The following ZNF423 variants were observed in gnomAD, a reference collection of about 807,000 sequenced individuals.
ZNF423 encodes the protein Ebf-associated zinc finger protein.
In ZNF423, 12 loss-of-function variants were observed where a neutral mutation model predicts 95.8. The ratio of observed to expected loss-of-function variants is 0.13; its 90% CI spans 0.08 to 0.20. The LOEUF (loss-of-function observed/expected upper bound fraction) is 0.20, where lower values mean the gene tolerates loss of function less well. Ranked by LOEUF, ZNF423 falls within the 10% of genes least tolerant of loss-of-function variation. ZNF423 has a pLI of 1.00. For synonymous variants in ZNF423, 749 were observed against 711.9 expected (o/e 1.05, Z -0.83); for missense variants, 1,316 against 1,737.1 (o/e 0.76, Z 4.31).
chr16:49,491,283 C>A lies in ZNF423; in HGVS notation c.3871G>T (p.Ala1291Ser), dbSNP rs1444409073. The change falls in exon 8 of 8, where the codon GCA becomes TCA. Residue 1291 changes from alanine to serine, a missense_variant. By Grantham distance (99) the Ala-to-Ser change is moderately conservative. Coordinates refer to ENST00000563137, the MANE Select transcript of ZNF423 (RefSeq NM_001379286.1). Reference protein sequence around the residue: ...ELQNHTMSQHAQ With the variant: ...ELQNHTMSQHSQ ...TCCTGTTGAGCGATCCCTCACTGTG[C>A]GTGCTGGCTCATCGTGTGGTTCTGC... is the stretch of plus-strand genomic sequence containing the variant. The A allele has an allele frequency of 1.7e-5, 27 of 1,613,942 alleles. No homozygotes were observed. In the East Asian group the frequency reaches 3.6e-4, roughly 21 times the overall value.
chr16:49,683,632 A>C (rs1038291721), intron 3 of ZNF423, among the ~76,000 whole-genome samples: 5 of 152,214 alleles, frequency 3.3e-5, no homozygotes, highest in African/African-American at 1.2e-4. Flanking sequence ...TCCAAAAAGA[A>C]ACCGGGAGGA....
intron 5 of ZNF423, among the ~76,000 whole-genome samples, chr16:49,600,342 A>T (rs576250072): frequency 3.6e-4 from 55 of 152,046 alleles, no homozygotes; most frequent in Admixed American, 4.6e-4. Flanking sequence ...AATAAAAATT[A>T]AAAAAATAAA....
rs182289225 is a variant in ZNF423 at position 49,712,902 on chromosome 16, G to A, written c.301+17869C>T. Among the ~76,000 whole-genome samples the A allele has an allele frequency of 2.0e-3, 300 of 152,320 alleles. 1 individual carries two copies. Among genetic ancestry groups the A allele is most frequent in the African/African-American group, 6.3e-3 (261 of 41,574 alleles). On this transcript the variant is annotated intron_variant, in intron 3 of 7. Coordinates refer to ENST00000563137, the MANE Select transcript of ZNF423 (RefSeq NM_001379286.1). ...AAGCCACAAACAGAATGACACCGTC[G>A]TGCAGGTGACAGCCACAGAATGCCT...
At chr16:49,599,046 C>T (rs1361447983) in intron 5 of ZNF423, among the ~76,000 whole-genome samples, 1 of 152,212 alleles carries the variant, frequency 6.6e-6, no homozygotes, top group Non-Finnish European at 1.5e-5. Flanking sequence ...TCACACCAGG[C>T]ACCCCGGGCT....
At chr16:49,834,202 T>C (rs1426183042) in intron 1 of ZNF423, among the ~76,000 whole-genome samples, 1 of 152,072 alleles carries the variant, frequency 6.6e-6, no homozygotes. Flanking sequence ...TTCCACTACA[T>C]ACAGCCTATA....
chr16:49,731,802 C>G (rs1313667678), intron 2 of ZNF423, among the ~76,000 whole-genome samples: 4 of 151,982 alleles, frequency 2.6e-5, no homozygotes, highest in Non-Finnish European at 4.4e-5. Context: ...GACCCTATCT[C>G]TAAAAAATAT....
intron 3 of ZNF423, among the ~76,000 whole-genome samples, chr16:49,648,956 T>C (rs1973286096): frequency 6.6e-6 from 1 of 152,118 alleles, no homozygotes; most frequent in Non-Finnish European, 1.5e-5. Flanking sequence ...AGGACCATCT[T>C]GAATAATGGA....
intron 5 of ZNF423, among the ~76,000 whole-genome samples, chr16:49,595,119 G>A (rs1000606920): frequency 2.0e-5 from 3 of 152,194 alleles, no homozygotes; most frequent in Admixed American, 1.3e-4. Flanking sequence ...AAGGCGGGAG[G>A]GCAGGGAGTG....
At chr16:49,619,504 C>T (rs1000054053) in intron 5 of ZNF423, among the ~76,000 whole-genome samples, 4 of 151,916 alleles carry the variant, frequency 2.6e-5, no homozygotes, top group Non-Finnish European at 1.5e-5. Flanking sequence ...TCAGGGAAAC[C>T]AAGTCCTTTG....
chr16:49,814,261 C>G (rs143016629), intron 1 of ZNF423, among the ~76,000 whole-genome samples: 2 of 152,218 alleles, frequency 1.3e-5, no homozygotes, highest in East Asian at 3.9e-4. Context: ...CATGATTCAT[C>G]TGCCTTCCCG....
chr16:49,767,576 A>G (rs1233422703), intron 2 of ZNF423, among the ~76,000 whole-genome samples: 3 of 152,148 alleles, frequency 2.0e-5, no homozygotes, highest in Admixed American at 2.0e-4. Context: ...GTCATCCACA[A>G]CTGATAAAAA....
chr16:49,676,945 T>G (rs571788912), intron 3 of ZNF423, among the ~76,000 whole-genome samples: 115 of 152,152 alleles, frequency 7.6e-4, no homozygotes, highest in African/African-American at 2.7e-3. Flanking sequence ...AGGCCAGGCC[T>G]GGTGGCTCAT....
intron 5 of ZNF423, among the ~76,000 whole-genome samples, chr16:49,619,792 A>G (rs969383114): frequency 2.0e-5 from 3 of 152,200 alleles, no homozygotes; most frequent in African/African-American, 7.2e-5. Flanking sequence ...CGGTTCAGCA[A>G]CACGTGATCC....
chr16:49,776,814 G>A (rs370145596), intron 2 of ZNF423, among the ~76,000 whole-genome samples: 4 of 152,338 alleles, frequency 2.6e-5, no homozygotes, highest in South Asian at 2.1e-4. Flanking sequence ...CTGAGGGTAC[G>A]ACAAAGAAAT....
intron 3 of ZNF423, among the ~76,000 whole-genome samples, chr16:49,713,614 G>A (rs1310834926): frequency 6.6e-6 from 1 of 152,154 alleles, no homozygotes; most frequent in Non-Finnish European, 1.5e-5. Flanking sequence ...TCCCCTGCCC[G>A]CTTCTGCAAA....
intron 2 of ZNF423, among the ~76,000 whole-genome samples, chr16:49,763,231 G>C (rs1326747841): frequency 6.6e-6 from 1 of 152,032 alleles, no homozygotes; most frequent in African/African-American, 2.4e-5. Flanking sequence ...AGGTATTTTT[G>C]TTGTTGTTGT....
intron 5 of ZNF423, among the ~76,000 whole-genome samples, chr16:49,573,841 T>A (rs1366578302): frequency 6.6e-6 from 1 of 152,210 alleles, no homozygotes; most frequent in African/African-American, 2.4e-5. Flanking sequence ...CTGAATGACC[T>A]TAGACAAGCC....
At chr16:49,738,917 A>C (rs2033351747) in intron 2 of ZNF423, among the ~76,000 whole-genome samples, 1 of 152,094 alleles carries the variant, frequency 6.6e-6, no homozygotes, top group Non-Finnish European at 1.5e-5. Flanking sequence ...CCATCGGGAC[A>C]CTGGGGTAGA....
intron 3 of ZNF423, among the ~76,000 whole-genome samples, chr16:49,687,552 T>A (rs1547475): frequency 0.64 from 97,700 of 152,066 alleles, 32,150 homozygotes; most frequent in Non-Finnish European, 0.71. Flanking sequence ...ATCAAAGATC[T>A]TCATTTCTGC....
Sources: allele counts gnomAD v4.1 joint callset (sites outside exome capture counted in the v4.1 genomes callset), GRCh38; gene constraint gnomAD v4.1.1; transcripts MANE v1.5; gene names NCBI Gene and HGNC (gene_info 2026-07-23, HGNC 2026-07-21).